Variants in WDR73 observed in about 807,000 individuals in gnomAD.
WDR73 encodes WD repeat domain 73, also known as integrator complex assembly factor WDR73.
A neutral mutation model predicts 38.2 loss-of-function variants in WDR73; 30 were observed. The observed-to-expected ratio is 0.79, with a 90% CI of 0.59 to 1.06. WDR73 has a LOEUF of 1.06. Ranked by LOEUF, WDR73 falls within the 50% of genes least tolerant of loss-of-function variation. The pLI is 0.00. For synonymous variants in WDR73, 197 were observed against 176.0 expected (o/e 1.12, Z -0.94); for missense variants, 487 against 467.0 (o/e 1.04, Z -0.40).
At position 84,643,974 on chromosome 15, in the gene WDR73, A is replaced by C. The variant is rs1055321464; in HGVS notation, c.884-251T>G. 6.0e-5 allele frequency: 23 copies of C among 385,852 alleles called. No individual in the cohort carries two copies. The Admixed American group carries it at 8.4e-4, about 14-fold the overall frequency. 23.9% of individuals were successfully genotyped at this position (385,852 alleles called of 1,614,324 possible). On this transcript the variant is annotated intron_variant, in intron 7 of 7. Coordinates refer to ENST00000434634, the MANE Select transcript of WDR73 (RefSeq NM_032856.5). ...TATTGGATGAGGAATCAAGGCACTT[A>C]AAAGGCTAACCACGGGCAAGTAGCA...
chr15:84,653,916 A>C, intron 1 of WDR73: 1 of 604,726 alleles, frequency 1.7e-6, no homozygotes, highest in South Asian at 2.0e-5. Flanking sequence ...GGGTACCCAG[A>C]TTTCCCAAGG....
At chr15:84,646,148 C>A in intron 6 of WDR73, 36 bp downstream of exon 6, 1 of 1,612,522 alleles carries the variant, frequency 6.2e-7, no homozygotes, top group African/African-American at 1.3e-5. Flanking sequence ...GTGATGCCGG[C>A]TGGAGCAGCA....
At chr15:84,652,132 CT>C (rs1774638789) in intron 3 of WDR73, among the ~76,000 whole-genome samples, 1 of 152,228 alleles carries the variant, frequency 6.6e-6, no homozygotes, top group African/African-American at 2.4e-5. Flanking sequence ...TCCCAAAGTG[CT>C]GGGATTACAG....
At chr15:84,651,382 G>A (rs1395020138) in intron 3 of WDR73, among the ~76,000 whole-genome samples, 3 of 152,074 alleles carry the variant, frequency 2.0e-5, no homozygotes, top group Non-Finnish European at 2.9e-5. Context: ...GCCAGGGATC[G>A]CGCCACTGCA....
intron 4 of WDR73, chr15:84,648,324 A>T: frequency 1.7e-6 from 1 of 589,778 alleles, no homozygotes; most frequent in Non-Finnish European, 3.0e-6. Context: ...TGTTACTTAC[A>T]TTAGTCCAAG....
chr15:84,649,875 C>A (rs922335474), intron 3 of WDR73, among the ~76,000 whole-genome samples: 1 of 152,138 alleles, frequency 6.6e-6, no homozygotes, highest in Non-Finnish European at 1.5e-5. Flanking sequence ...TCAAAAAGTG[C>A]TGGGATTACA....
At chr15:84,653,499 T>A in intron 2 of WDR73, 133 bp downstream of exon 2, 1 of 656,990 alleles carries the variant, frequency 1.5e-6, no homozygotes, top group South Asian at 1.7e-5. Context: ...ATATTAGTGC[T>A]GATGGGGCAT....
At position 84,645,455 on chromosome 15, in the gene WDR73, T is replaced by A. The variant is rs756164131; in HGVS notation, c.883+16A>T. The A allele has an allele frequency of 6.2e-7, 1 of 1,610,760 alleles. No homozygotes were observed. The highest frequency in any genetic ancestry group is 1.1e-5 in the South Asian group (1 of 90,500). ...AAAGAGATCAGATAACAAGACGAAA[T>A]CCTGCTCGGCAGTACCTGAGATGGC... is the stretch of plus-strand genomic sequence containing the variant. On this transcript the variant is annotated intron_variant, in intron 7 of 7. Transcript: ENST00000434634.
chr15:84,653,838 C>A, intron 1 of WDR73, 139 bp from the exon 2 acceptor site: 1 of 719,162 alleles, frequency 1.4e-6, no homozygotes. Context: ...CCATTTTACT[C>A]CCTGTTTCTG....
At position 84,652,810 on chromosome 15, in the gene WDR73, A is replaced by G; in HGVS notation, c.110-8T>C. 1 of 1,507,930 alleles carries G rather than the reference A, an allele frequency of 6.6e-7. No homozygotes were observed. Among genetic ancestry groups the G allele is most frequent in the Non-Finnish European group, 8.9e-7 (1 of 1,125,476 alleles). 93.4% of individuals were successfully genotyped at this position (1,507,930 alleles called of 1,614,324 possible). ...AGCCAGCAACAAAGACTCCTGGAAA[A>G]AGAAGCAGAGGTAGCTGTCACAAAT... On this transcript the variant is annotated splice_polypyrimidine_tract_variant and splice_region_variant and intron_variant, in intron 2 of 7. Coordinates refer to ENST00000434634, the MANE Select transcript of WDR73 (RefSeq NM_032856.5).
chr15:84,653,417 G>C (rs1442503569), intron 2 of WDR73: 2 of 456,158 alleles, frequency 4.4e-6, no homozygotes, highest in African/African-American at 4.0e-5. Flanking sequence ...TGATCCGCCT[G>C]CCTCGGCCTC....
intron 2 of WDR73, 59 bp downstream of exon 2, chr15:84,653,573 C>T (rs1351824136): frequency 7.0e-7 from 1 of 1,419,710 alleles, no homozygotes; most frequent in Non-Finnish European, 9.7e-7. Context: ...AGGCTTAGCT[C>T]CTGAAACCCA....
chr15:84,644,025 G>T, intron 7 of WDR73: 1 of 307,612 alleles, frequency 3.3e-6, no homozygotes, highest in Non-Finnish European at 6.1e-6. Context: ...GGCAGCTGAT[G>T]ACTCCGTGGG....
At chr15:84,653,740 T>A in intron 1 of WDR73, 41 bp from the exon 2 acceptor site, 1 of 1,499,644 alleles carries the variant, frequency 6.7e-7, no homozygotes, top group Non-Finnish European at 9.1e-7. Context: ...GCACAGCACT[T>A]CACAGCTCAA....
chr15:84,640,946 A>T lies in WDR73; in HGVS notation c.*2524T>A, dbSNP rs991090240. The T allele has an allele frequency of 6.6e-6, 1 of 152,140 alleles. No homozygotes were observed. The highest frequency in any genetic ancestry group is 2.4e-5 in the African/African-American group (1 of 41,410). 9.4% of individuals were successfully genotyped at this position (152,140 alleles called of 1,614,324 possible). A position where few individuals can be genotyped will look rare whatever the true frequency, so the allele number is the denominator to read the frequency against. On this transcript the variant is annotated 3_prime_UTR_variant, in exon 8 of 8. Transcript: ENST00000434634. Reference sequence around the variant, plus strand: ...GCAAACGTTAGTTTTCATTATCATCATCATTATAATTATTATGAAAATAGA... The same window carrying T: ...GCAAACGTTAGTTTTCATTATCATCTTCATTATAATTATTATGAAAATAGA...
chr15:84,649,415 A>C (rs368153451), intron 3 of WDR73, among the ~76,000 whole-genome samples: 1 of 151,066 alleles, frequency 6.6e-6, no homozygotes, highest in Non-Finnish European at 1.5e-5. Flanking sequence ...ACTAGGTGCT[A>C]CCCTATAGCT....
intron 6 of WDR73, 30 bp from the exon 7 acceptor site, chr15:84,645,866 G>A (rs1290407323): frequency 3.7e-6 from 6 of 1,612,754 alleles, no homozygotes; most frequent in South Asian, 2.2e-5. Context: ...GGAGACAAGC[G>A]GCTGGAGGCA....
rs772245582 is a variant in WDR73 at position 84,643,518 on chromosome 15, A to G, written c.1089T>C (p.Asp363=). ...CCCAGTCCCACACATGCAGAGAGGC[A>G]TCATTTGTTGCTGATAACAAAGTCC... is the stretch of plus-strand genomic sequence containing the variant. ...RPRTLLSATN[D]ASLHVWDWVD... is the part of the protein sequence containing the mutation. The change falls in exon 8 of 8, where the codon GAT becomes GAC. Residue 363 remains aspartate, a synonymous_variant. Transcript: ENST00000434634. 2 of 1,588,372 alleles carry G rather than the reference A, an allele frequency of 1.3e-6. No individual in the cohort carries two copies. The highest frequency in any genetic ancestry group is 1.7e-6 in the Non-Finnish European group (2 of 1,166,874).
chr15:84,641,139 G>T lies in WDR73; in HGVS notation c.*2331C>A. 6.6e-6 allele frequency: 1 copy of T among 150,918 alleles called. No individual in the cohort carries two copies. The allele number at this position is 150,918 out of a possible 1,614,324, so 9.3% of individuals were successfully genotyped here. A position where few individuals can be genotyped will look rare whatever the true frequency, so the allele number is the denominator to read the frequency against. On this transcript the variant is annotated 3_prime_UTR_variant, in exon 8 of 8. Transcript: ENST00000434634. ...ATTTCAGAACTCCATGTCCCCTCCT[G>T]CTTTTCTCTGAGCAGGACTTCCAGT...
Sources: gnomAD v4.1 joint callset for allele counts (sites outside exome capture counted in the v4.1 genomes callset) on GRCh38, gnomAD v4.1.1 for gene constraint, MANE v1.5 for transcripts, NCBI Gene and HGNC (gene_info 2026-07-23, HGNC 2026-07-21) for gene names.